Variants in CDH4 observed in about 807,000 individuals in gnomAD.
CDH4 encodes cadherin-4.
A neutral mutation model predicts 86.0 loss-of-function variants in CDH4; 33 were observed. The ratio of observed to expected loss-of-function variants is 0.38; its 90% CI spans 0.29 to 0.51. CDH4 has a LOEUF of 0.51. CDH4 is among the 20% of genes least tolerant of loss of function. CDH4 has a pLI of 0.86. For synonymous variants in CDH4, 555 were observed against 549.4 expected, an observed-to-expected ratio of 1.01 and a Z score of -0.14; for missense variants, 1,114 against 1,307.4, an observed-to-expected ratio of 0.85 and a Z score of 2.28.
chr20:61,837,446 C>G (rs1981931855), intron 4 of CDH4, among the ~76,000 whole-genome samples: 1 of 152,184 alleles, frequency 6.6e-6, no homozygotes, highest in African/African-American at 2.4e-5. Context: ...TACTCGTGAA[C>G]CTTCGTCACA....
chr20:61,914,314 A>G (rs1344807307), intron 9 of CDH4, among the ~76,000 whole-genome samples: 1 of 152,218 alleles, frequency 6.6e-6, no homozygotes, highest in African/African-American at 2.4e-5. Context: ...AGCACTAAGC[A>G]GAGCCTCGCA....
chr20:61,437,330 A>G (rs1239774765), intron 2 of CDH4: 1 of 152,212 alleles, frequency 6.6e-6, no homozygotes, highest in Non-Finnish European at 1.5e-5. Flanking sequence ...TTCCTCTGGC[A>G]AGATCCCTGT....
At chr20:61,302,457 T>A (rs186997417) in intron 2 of CDH4, among the ~76,000 whole-genome samples, 1 of 152,074 alleles carries the variant, frequency 6.6e-6, no homozygotes, top group East Asian at 1.9e-4. Context: ...ATCCAGGATG[T>A]TTCCTGTATG....
chr20:61,627,030 C>T (rs533128245), intron 2 of CDH4, among the ~76,000 whole-genome samples: 1 of 152,190 alleles, frequency 6.6e-6, no homozygotes, highest in Non-Finnish European at 1.5e-5. Flanking sequence ...CTGAACCAGA[C>T]AAGCTTTAGG....
chr20:61,387,473 CAT>C (rs1470888516), intron 2 of CDH4, among the ~76,000 whole-genome samples: 2 of 151,738 alleles, frequency 1.3e-5, no homozygotes, highest in Non-Finnish European at 2.9e-5. Flanking sequence ...TATATACATA[CAT>C]ATACACACAC....
intron 11 of CDH4, among the ~76,000 whole-genome samples, chr20:61,926,589 C>T (rs180815848): frequency 6.9e-4 from 105 of 152,276 alleles, no homozygotes; most frequent in African/African-American, 1.9e-3. Context: ...ATTGTGAGCC[C>T]GGGCCAGGCC....
chr20:61,396,069 T>C (rs2085015033), intron 2 of CDH4, among the ~76,000 whole-genome samples: 2 of 152,218 alleles, frequency 1.3e-5, no homozygotes, highest in African/African-American at 2.4e-5. Context: ...ATAAGTTTTA[T>C]TGGCGCTCAG....
chr20:61,780,416 A>G (rs1054294499), intron 4 of CDH4, among the ~76,000 whole-genome samples: 4 of 152,244 alleles, frequency 2.6e-5, no homozygotes, highest in Non-Finnish European at 4.4e-5. Flanking sequence ...AGAGTTTTTG[A>G]CACTGTTTCG....
intron 2 of CDH4, among the ~76,000 whole-genome samples, chr20:61,407,122 G>T (rs1055777416): frequency 3.9e-5 from 6 of 152,232 alleles, no homozygotes; most frequent in African/African-American, 7.2e-5. Context: ...AAGCAAAGAT[G>T]TACCACTTGC....
intron 2 of CDH4, among the ~76,000 whole-genome samples, chr20:61,465,594 G>A (rs1224436827): frequency 2.6e-5 from 4 of 152,128 alleles, no homozygotes; most frequent in Admixed American, 6.5e-5. Flanking sequence ...GCATCCGAAG[G>A]GAATTGCATC....
intron 2 of CDH4, among the ~76,000 whole-genome samples, chr20:61,579,572 C>G (rs1425696332): frequency 6.6e-6 from 1 of 152,108 alleles, no homozygotes; most frequent in Non-Finnish European, 1.5e-5. Flanking sequence ...CAGGTGTGAG[C>G]CACTGCACCT....
chr20:61,853,546 C>T (rs1049632386), intron 6 of CDH4, among the ~76,000 whole-genome samples: 2 of 152,252 alleles, frequency 1.3e-5, no homozygotes, highest in Middle Eastern at 3.4e-3. Flanking sequence ...GTGTGGGGCC[C>T]TAGCTGAGCG....
At chr20:61,766,729 T>C (rs1425381511) in intron 3 of CDH4, among the ~76,000 whole-genome samples, 2 of 152,178 alleles carry the variant, frequency 1.3e-5, no homozygotes, top group Admixed American at 1.3e-4. Context: ...AATGGTGGTG[T>C]CTGCCTGGTT....
At chr20:61,478,601 G>A (rs554457333) in intron 2 of CDH4, among the ~76,000 whole-genome samples, 1 of 152,230 alleles carries the variant, frequency 6.6e-6, no homozygotes, top group African/African-American at 2.4e-5. Flanking sequence ...AGTGCCTGAT[G>A]TGTGTTGGGC....
intron 2 of CDH4, among the ~76,000 whole-genome samples, chr20:61,578,671 C>A (rs570109308): frequency 4.0e-4 from 61 of 152,322 alleles, no homozygotes; most frequent in Non-Finnish European, 6.9e-4. Context: ...TCCATCTCAT[C>A]TCAGCCTTGC....
At chr20:61,262,644 T>A (rs2084133905) in intron 2 of CDH4, among the ~76,000 whole-genome samples, 1 of 152,202 alleles carries the variant, frequency 6.6e-6, no homozygotes, top group Admixed American at 6.5e-5. Flanking sequence ...TGTGCATCCC[T>A]GTATTGTGTG....
intron 2 of CDH4, among the ~76,000 whole-genome samples, chr20:61,558,520 C>T (rs1252921925): frequency 6.6e-6 from 1 of 152,254 alleles, no homozygotes; most frequent in African/African-American, 2.4e-5. Context: ...AGAGCCCACA[C>T]TGGCCTGCGG....
chr20:61,364,647 CAT>C (rs755146169), intron 2 of CDH4, among the ~76,000 whole-genome samples: 16 of 152,358 alleles, frequency 1.1e-4, no homozygotes, highest in Non-Finnish European at 1.8e-4. Context: ...TGTCCATAAA[CAT>C]GTGCATAAAC....
intron 8 of CDH4, among the ~76,000 whole-genome samples, chr20:61,896,167 A>G (rs1776248): frequency 0.84 from 127,650 of 152,208 alleles, 54,371 homozygotes; most frequent in Non-Finnish European, 0.92. Context: ...GGGTGCGGCC[A>G]GGGTACAGCC....
Sources: allele counts gnomAD v4.1 joint callset (sites outside exome capture counted in the v4.1 genomes callset), GRCh38; gene constraint gnomAD v4.1.1; transcripts MANE v1.5; gene names NCBI Gene and HGNC (gene_info 2026-07-23, HGNC 2026-07-21).